The following CKAP5 variants were observed in gnomAD, a reference collection of about 807,000 sequenced individuals.
CKAP5 encodes cytoskeleton-associated protein 5.
CKAP5 carries 27 observed loss-of-function variants against 232.8 expected under a neutral mutation model. That is an observed-to-expected ratio of 0.12 (90% CI 0.09 to 0.16). The LOEUF is 0.16. Ranked by LOEUF, CKAP5 falls within the 10% of genes least tolerant of loss-of-function variation. The probability of loss-of-function intolerance (pLI) is 1.00; values close to 1 mark genes in which losing one functional copy is unlikely to be tolerated. For missense variants in CKAP5, 1,838 were observed against 2,424.7 expected, an observed-to-expected ratio of 0.76 and a Z score of 5.08; for synonymous variants, 785 against 841.1, an observed-to-expected ratio of 0.93 and a Z score of 1.16.
chr11:46,829,748 C>T (rs989113122), intron 1 of CKAP5, among the ~76,000 whole-genome samples: 1 of 151,930 alleles, frequency 6.6e-6, no homozygotes, highest in South Asian at 2.1e-4. Flanking sequence ...TGGCATTGCT[C>T]AAGGGTCAAA....
chr11:46,812,057 C>T (rs930571174), intron 4 of CKAP5, among the ~76,000 whole-genome samples: 1 of 152,094 alleles, frequency 6.6e-6, no homozygotes, highest in Non-Finnish European at 1.5e-5. Flanking sequence ...TTTGGCCAGG[C>T]GCAGTGGCTC....
chr11:46,829,468 C>A (rs1314173194), intron 1 of CKAP5, among the ~76,000 whole-genome samples: 2 of 152,008 alleles, frequency 1.3e-5, no homozygotes, highest in Non-Finnish European at 2.9e-5. Context: ...TTGCCTGAGC[C>A]CAGAAAGAGT....
chr11:46,814,840 T>C (rs1939361750), intron 4 of CKAP5, among the ~76,000 whole-genome samples: 1 of 152,226 alleles, frequency 6.6e-6, no homozygotes, highest in South Asian at 2.1e-4. Context: ...CATTTGCTTC[T>C]ACTTTACTAA....
intron 16 of CKAP5, among the ~76,000 whole-genome samples, chr11:46,788,373 G>A (rs1419981514): frequency 6.6e-6 from 1 of 152,178 alleles, no homozygotes; most frequent in Non-Finnish European, 1.5e-5. Context: ...TCAGGAGTTC[G>A]AGACCAGCCT....
At chr11:46,778,652 C>A in intron 20 of CKAP5, 53 bp from the exon 21 acceptor site, 1 of 1,491,330 alleles carries the variant, frequency 6.7e-7, no homozygotes, top group Non-Finnish European at 9.3e-7. Flanking sequence ...GATATGGGAA[C>A]AAACAAATTA....
rs1314873650 is a variant in CKAP5, at chr11:46,778,583, G to T, written c.2450C>A (p.Pro817Gln). 8 of 1,613,706 alleles carry T rather than the reference G, an allele frequency of 5.0e-6. No homozygotes were observed. Among genetic ancestry groups the T allele is most frequent in the Non-Finnish European group, 6.8e-6 (8 of 1,179,840 alleles). Residue 817 changes from proline (P) to glutamine (Q), a missense_variant, in exon 21 of 44, where the codon CCA becomes CAA. Coordinates refer to ENST00000529230, the MANE Select transcript of CKAP5 (RefSeq NM_001008938.4). ...AEFEKMQGQS[P>Q]PAPTRGISKH... ...GGAAATTCCTCTGGTTGGAGCAGGT[G>T]GACTTTGTCCCTGCATCTATACACA...
At chr11:46,825,119 ATTGT>A (rs1939623291) in intron 1 of CKAP5, among the ~76,000 whole-genome samples, 1 of 152,228 alleles carries the variant, frequency 6.6e-6, no homozygotes, top group Non-Finnish European at 1.5e-5. Flanking sequence ...TTTAGGCATA[ATTGT>A]TTATTTTTAG....
At chr11:46,767,506 A>G (rs1454335681) in intron 27 of CKAP5, 69 bp downstream of exon 27, 4 of 946,064 alleles carry the variant, frequency 4.2e-6, no homozygotes, top group Non-Finnish European at 6.6e-6. Context: ...ATCCTTCCTA[A>G]TAGAATGACT....
At chr11:46,833,031 T>C (rs978509404) in intron 1 of CKAP5, among the ~76,000 whole-genome samples, 2 of 151,984 alleles carry the variant, frequency 1.3e-5, no homozygotes, top group South Asian at 2.1e-4. Flanking sequence ...TGTCAGATAG[T>C]GTGAGGCTAT....
At chr11:46,819,234 C>A (rs534524910) in intron 2 of CKAP5, among the ~76,000 whole-genome samples, 2 of 152,138 alleles carry the variant, frequency 1.3e-5, no homozygotes, top group Admixed American at 6.5e-5. Context: ...AGGAACTAAT[C>A]AGGAAAGAGT....
intron 8 of CKAP5, among the ~76,000 whole-genome samples, chr11:46,806,952 T>G (rs1361096873): frequency 3.3e-5 from 5 of 152,224 alleles, no homozygotes; most frequent in Non-Finnish European, 5.9e-5. Context: ...TTTGCATTTT[T>G]GTGTTTTTTG....
chr11:46,771,985 A>C (rs1345656109), intron 24 of CKAP5, among the ~76,000 whole-genome samples: 2 of 150,726 alleles, frequency 1.3e-5, no homozygotes. Context: ...GTGATATTTC[A>C]ACACAGTTTT....
intron 9 of CKAP5, among the ~76,000 whole-genome samples, chr11:46,798,533 C>A (rs1304176654): frequency 2.0e-5 from 3 of 150,558 alleles, no homozygotes; most frequent in Admixed American, 1.3e-4. Context: ...TGAGCTACGA[C>A]TGCATCACTG....
At chr11:46,820,922 G>A (rs2134690370) in intron 2 of CKAP5, 2 of 424,400 alleles carry the variant, frequency 4.7e-6, no homozygotes, top group Non-Finnish European at 8.4e-6. Context: ...GAAAAAACTA[G>A]CCAGTTACTT....
At chr11:46,790,702 G>A in intron 13 of CKAP5, 119 bp from the exon 14 acceptor site, 1 of 666,916 alleles carries the variant, frequency 1.5e-6, no homozygotes, top group South Asian at 2.0e-5. Flanking sequence ...GAATGCAGCT[G>A]CACAAGCTCA....
intron 13 of CKAP5, among the ~76,000 whole-genome samples, chr11:46,791,408 G>T (rs1336314268): frequency 6.6e-6 from 1 of 151,940 alleles, no homozygotes; most frequent in East Asian, 1.9e-4. Flanking sequence ...GCTGAGCACA[G>T]TAGTTCACAC....
chr11:46,757,320 C>A (rs1043734621), intron 35 of CKAP5, among the ~76,000 whole-genome samples: 56 of 150,902 alleles, frequency 3.7e-4, no homozygotes, highest in Middle Eastern at 3.5e-3. Context: ...TGGTGAAACC[C>A]TGTCTCTACT....
chr11:46,835,042 G>T (rs1297698311), intron 1 of CKAP5, among the ~76,000 whole-genome samples: 1 of 150,644 alleles, frequency 6.6e-6, no homozygotes, highest in Non-Finnish European at 1.5e-5. Context: ...TACAGCTTTC[G>T]TTTCGCGACC....
intron 42 of CKAP5, among the ~76,000 whole-genome samples, chr11:46,746,701 G>C (rs914195083): frequency 6.6e-5 from 10 of 152,214 alleles, no homozygotes; most frequent in Non-Finnish European, 1.5e-5. Context: ...TGGGTGAGTG[G>C]TGTGTGAAGG....
Sources: gnomAD v4.1 joint callset for allele counts (sites outside exome capture counted in the v4.1 genomes callset) on GRCh38, gnomAD v4.1.1 for gene constraint, MANE v1.5 for transcripts, NCBI Gene and HGNC (gene_info 2026-07-23, HGNC 2026-07-21) for gene names.